Variants in CCDC170 observed in about 807,000 individuals in gnomAD.
The protein encoded by CCDC170 is coiled-coil domain containing 170.
Under a neutral mutation model 72.6 loss-of-function variants are expected in CCDC170, and 69 were observed. That is an observed-to-expected ratio of 0.95 (90% confidence interval 0.78 to 1.16). The LOEUF (loss-of-function observed/expected upper bound fraction) is 1.16, where lower values mean the gene tolerates loss of function less well. Among genes scored for constraint, CCDC170 ranks in the 50% most tolerant of loss-of-function variants. The pLI, the probability that CCDC170 is intolerant of heterozygous loss-of-function variation, is 0.00. For synonymous variants in CCDC170, 300 were observed against 303.9 expected (o/e 0.99, Z 0.13); for missense variants, 852 against 832.5 (o/e 1.02, Z -0.29).
chr6:151,536,377 G>A lies in CCDC170; in HGVS notation c.117G>A (p.Arg39=). The A allele has an allele frequency of 6.2e-7, 1 of 1,614,190 alleles. No homozygotes were observed. The highest frequency in any genetic ancestry group is 8.5e-7 in the Non-Finnish European group (1 of 1,180,030). The stretch of plus-strand genomic sequence containing the variant: ...CGCGGGAGCAGTTAAACCACTATCG[G>A]AATGTGGCTCAAAATGCTCGAAGTG... The part of the protein sequence containing the change: ...PVTREQLNHY[R]NVAQNARSEL... Residue 39 remains arginine, a synonymous_variant, in exon 2 of 11, where the codon CGG becomes CGA. Coordinates refer to ENST00000239374, the MANE Select transcript of CCDC170 (RefSeq NM_025059.4).
intron 6 of CCDC170, among the ~76,000 whole-genome samples, chr6:151,583,150 G>A (rs1371739700): frequency 2.0e-5 from 3 of 151,510 alleles, no homozygotes; most frequent in Non-Finnish European, 4.4e-5. Context: ...CTGCCACCAC[G>A]CCTGGCTAAT....
At chr6:151,534,459 G>A (rs1369156421) in intron 1 of CCDC170, among the ~76,000 whole-genome samples, 3 of 152,026 alleles carry the variant, frequency 2.0e-5, no homozygotes, top group African/African-American at 7.2e-5. Context: ...TTATAAAATG[G>A]TATGCCATAC....
intron 1 of CCDC170, among the ~76,000 whole-genome samples, chr6:151,508,525 C>T (rs1251494227): frequency 2.0e-5 from 3 of 151,046 alleles, no homozygotes; most frequent in Admixed American, 1.3e-4. Flanking sequence ...ATGACAAGAA[C>T]GAAACTCCAT....
Position 151,548,322 on chromosome 6 carries a change from G to A in CCDC170, c.607G>A (p.Glu203Lys). ...TCTTCAGCTTAGAGACCTGCGCAAA[G>A]AAAATGAATTCGTGAAAGGACAAAT... is the stretch of plus-strand genomic sequence containing the variant. ...LILKLRDLRK[E>K]NEFVKGQIVI... The change falls in exon 5 of 11, where the codon GAA becomes AAA. Residue 203 changes from glutamate (E) to lysine (K), a missense_variant. Coordinates refer to ENST00000239374, the MANE Select transcript of CCDC170 (RefSeq NM_025059.4). 6.3e-7 allele frequency: 1 copy of A among 1,592,334 alleles called. No individual in the cohort carries two copies. The highest frequency in any genetic ancestry group is 8.6e-7 in the Non-Finnish European group (1 of 1,168,968).
chr6:151,511,910 C>T (rs776203382), intron 1 of CCDC170, among the ~76,000 whole-genome samples: 69 of 152,180 alleles, frequency 4.5e-4, no homozygotes, highest in Middle Eastern at 3.4e-3. Context: ...TGCGGTGGCA[C>T]GATCAGAGCT....
chr6:151,521,017 A>G (rs1454807047), intron 1 of CCDC170, among the ~76,000 whole-genome samples: 1 of 152,204 alleles, frequency 6.6e-6, no homozygotes, highest in Non-Finnish European at 1.5e-5. Context: ...GCAGCAGGCA[A>G]GGTGAACCCA....
At chr6:151,529,044 C>T (rs1034061965) in intron 1 of CCDC170, among the ~76,000 whole-genome samples, 2 of 152,008 alleles carry the variant, frequency 1.3e-5, no homozygotes, top group African/African-American at 4.8e-5. Context: ...GTCGTGTCAC[C>T]CTCAGGGGTA....
rs755652414 is a variant in CCDC170, at chr6:151,615,596, G to T, written c.1864G>T (p.Ala622Ser). 4 of 1,614,080 alleles carry T rather than the reference G, an allele frequency of 2.5e-6. No homozygotes were observed. Among genetic ancestry groups the T allele is most frequent in the Non-Finnish European group, 3.4e-6 (4 of 1,179,998 alleles). The change falls in exon 10 of 11, where the codon GCC becomes TCC. Residue 622 changes from alanine to serine, a missense_variant. Ala to Ser is a moderately conservative substitution (Grantham distance 99). Coordinates refer to ENST00000239374, the MANE Select transcript of CCDC170 (RefSeq NM_025059.4). ...EHEAKENKER[A>S]RNMIEVVTSE... ...TGAGGCTAAGGAGAATAAAGAAAGGGCCAGAAACATGATAGAAGTGGTAAC... is the reference window on the plus strand; with the variant it reads ...TGAGGCTAAGGAGAATAAAGAAAGGTCCAGAAACATGATAGAAGTGGTAAC...
intron 1 of CCDC170, among the ~76,000 whole-genome samples, chr6:151,519,971 G>T (rs919451643): frequency 6.6e-6 from 1 of 152,094 alleles, no homozygotes; most frequent in African/African-American, 2.4e-5. Flanking sequence ...TTATCAGCAG[G>T]GTCTTTGTGA....
chr6:151,578,401 AT>A (rs1776333523), intron 6 of CCDC170, among the ~76,000 whole-genome samples: 2 of 152,128 alleles, frequency 1.3e-5, no homozygotes, highest in African/African-American at 4.8e-5. Flanking sequence ...GGCCTCAGGC[AT>A]TGCATTCTTT....
At chr6:151,564,104 G>A (rs1776090014) in intron 5 of CCDC170, among the ~76,000 whole-genome samples, 1 of 152,056 alleles carries the variant, frequency 6.6e-6, no homozygotes. Context: ...TCTTTATGTT[G>A]GTATCTGTGC....
chr6:151,583,737 C>A (rs1400069447), intron 6 of CCDC170, among the ~76,000 whole-genome samples: 2 of 152,220 alleles, frequency 1.3e-5, no homozygotes, highest in South Asian at 4.1e-4. Context: ...GGATTACAGG[C>A]GTGAGCCACT....
At chr6:151,563,134 G>C (rs1776069668) in intron 5 of CCDC170, among the ~76,000 whole-genome samples, 1 of 152,126 alleles carries the variant, frequency 6.6e-6, no homozygotes, top group Admixed American at 6.5e-5. Flanking sequence ...GTGCCATTCT[G>C]TGTAGGGAAG....
chr6:151,595,830 T>C (rs577990172), intron 8 of CCDC170, among the ~76,000 whole-genome samples: 2 of 152,088 alleles, frequency 1.3e-5, no homozygotes, highest in Non-Finnish European at 2.9e-5. Flanking sequence ...AAAAAAAAAG[T>C]TGATATATAT....
chr6:151,514,591 G>A (rs899343889), intron 1 of CCDC170, among the ~76,000 whole-genome samples: 1 of 152,142 alleles, frequency 6.6e-6, no homozygotes, highest in African/African-American at 2.4e-5. Flanking sequence ...GTGACTGGAG[G>A]TCAGGCTAGA....
At chr6:151,506,052 G>T (rs1437078352) in intron 1 of CCDC170, among the ~76,000 whole-genome samples, 1 of 152,120 alleles carries the variant, frequency 6.6e-6, no homozygotes, top group Non-Finnish European at 1.5e-5. Flanking sequence ...AGTGAGCTAT[G>T]ATTTGTACCA....
intron 1 of CCDC170, among the ~76,000 whole-genome samples, chr6:151,531,934 C>G (rs1170632892): frequency 6.6e-6 from 1 of 152,178 alleles, no homozygotes; most frequent in African/African-American, 2.4e-5. Flanking sequence ...GAATCCCTCC[C>G]ACAACTTGTA....
chr6:151,579,899 C>G (rs1470100131), intron 6 of CCDC170, among the ~76,000 whole-genome samples: 1 of 152,134 alleles, frequency 6.6e-6, no homozygotes, highest in Non-Finnish European at 1.5e-5. Context: ...ATAGCAAAGT[C>G]TACGAATTTC....
chr6:151,612,957 TTGCTTTG>T (rs907641022), intron 9 of CCDC170, among the ~76,000 whole-genome samples: 1 of 32,970 alleles, frequency 3.0e-5, no homozygotes, highest in Non-Finnish European at 5.9e-5. Flanking sequence ...TGGTCTTTGT[TTGCTTTG>T]TTTGCTCTTT....
Sources: gnomAD v4.1 joint callset for allele counts (sites outside exome capture counted in the v4.1 genomes callset) on GRCh38, gnomAD v4.1.1 for gene constraint, MANE v1.5 for transcripts, NCBI Gene and HGNC (gene_info 2026-07-23, HGNC 2026-07-21) for gene names.